The following COA1 variants were observed in gnomAD, a reference collection of about 807,000 sequenced individuals.
COA1 encodes the protein cytochrome c oxidase assembly factor 1 homolog.
Under a neutral mutation model 16.0 loss-of-function variants are expected in COA1, and 13 were observed. The ratio of observed to expected loss-of-function variants is 0.81; its 90% confidence interval spans 0.53 to 1.29. The LOEUF (loss-of-function observed/expected upper bound fraction) is 1.29. COA1 is among the 50% of genes most tolerant of loss of function. The pLI is 0.00. For missense variants in COA1, 179 were observed against 177.0 expected, an observed-to-expected ratio of 1.01 and a Z score of -0.06; for synonymous variants, 65 against 65.7, an observed-to-expected ratio of 0.99 and a Z score of 0.05.
chr7:43,671,429 A>G (rs1335229301), intron 1 of COA1, among the ~76,000 whole-genome samples: 1 of 152,200 alleles, frequency 6.6e-6, no homozygotes, highest in Non-Finnish European at 1.5e-5. Flanking sequence ...TCAATAATTA[A>G]AAGACAACCC....
chr7:43,649,162 ATAT>A (rs2090223440), intron 1 of COA1: 2 of 152,418 alleles, frequency 1.3e-5, no homozygotes, highest in African/African-American at 4.8e-5. Flanking sequence ...TAAGCACTTT[ATAT>A]AATTCATTTA....
In COA1 at chr7:43,639,423, CAA is replaced by C; in HGVS notation, c.*157_*158del. 2 of 545,074 alleles carry C rather than the reference CAA, an allele frequency of 3.7e-6. No individual in the cohort carries two copies. Among genetic ancestry groups the C allele is most frequent in the Non-Finnish European group, 6.7e-6 (2 of 300,554 alleles). The allele number at this position is 545,074 out of a possible 1,614,324, so 33.8% of individuals were successfully genotyped here. A position where few individuals can be genotyped will look rare whatever the true frequency, so the allele number is the denominator to read the frequency against. On this transcript the variant is annotated 3_prime_UTR_variant, in exon 6 of 6. Coordinates refer to ENST00000223336, the MANE Select transcript of COA1 (RefSeq NM_018224.4). ...TGTTGTGCCCAAGTTAGAATTACAC[CAA>C]AATTACCATGTGCTGGCACATACCA...
intron 6 of COA1, among the ~76,000 whole-genome samples, chr7:43,609,923 C>G (rs1023700412): frequency 1.3e-5 from 2 of 152,192 alleles, no homozygotes; most frequent in Non-Finnish European, 2.9e-5. Flanking sequence ...GTTCTCTGAC[C>G]CAGACATGAA....
intron 1 of COA1, among the ~76,000 whole-genome samples, chr7:43,673,063 T>G (rs2153203927): frequency 6.6e-6 from 1 of 152,178 alleles, no homozygotes; most frequent in Middle Eastern, 3.4e-3. Context: ...CTAAAAAAAC[T>G]CTGGAAGATA....
chr7:43,727,700 G>C (rs1268817439), intron 1 of COA1, among the ~76,000 whole-genome samples: 1 of 152,200 alleles, frequency 6.6e-6, no homozygotes. Flanking sequence ...GCTTAGAATG[G>C]GGAGTGGGGA....
chr7:43,691,407 G>A lies in COA1; in HGVS notation c.-39+38022C>T, dbSNP rs1204446544. On this transcript the variant is annotated intron_variant, in intron 1 of 5. Transcript: ENST00000223336. ...AGGAAGGAAGGAAGGAAGGAAGGAA[G>A]GAAGGAAGAAAGAAAAAGAAAGAAA... Among the ~76,000 whole-genome samples the A allele has an allele frequency of 5.2e-3, 544 of 104,730 alleles. 14 individuals are homozygous for A. Among genetic ancestry groups the A allele is most frequent in the Admixed American group, 0.013 (119 of 9,078 alleles). 68.7% of individuals were successfully genotyped at this position (104,730 alleles called of 152,430 possible).
chr7:43,637,951 C>CACCA (rs542840570), downstream of COA1, among the ~76,000 whole-genome samples: 118 of 152,260 alleles, frequency 7.7e-4, no homozygotes, highest in African/African-American at 2.7e-3. Flanking sequence ...AGATAGGAAG[C>CACCA]ACCACATAAA....
chr7:43,691,425 G>GAAAT (rs1554542698), intron 1 of COA1, among the ~76,000 whole-genome samples: 1 of 32,402 alleles, frequency 3.1e-5, no homozygotes, highest in Non-Finnish European at 6.2e-5. Flanking sequence ...GAAAGAAAAA[G>GAAAT]AAAGAAAGAA....
intron 6 of COA1, chr7:43,624,601 A>G: frequency 1.2e-6 from 2 of 1,614,120 alleles, no homozygotes; most frequent in Non-Finnish European, 1.7e-6. Context: ...AGGATGGAAA[A>G]GGCACTAGAA....
chr7:43,618,127 A>G (rs1294834842), intron 6 of COA1, among the ~76,000 whole-genome samples: 1 of 152,198 alleles, frequency 6.6e-6, no homozygotes, highest in Non-Finnish European at 1.5e-5. Flanking sequence ...TAGAGGACCA[A>G]TGTGATGGAG....
chr7:43,675,322 A>G (rs1180360331), intron 1 of COA1, among the ~76,000 whole-genome samples: 1 of 152,176 alleles, frequency 6.6e-6, no homozygotes, highest in Non-Finnish European at 1.5e-5. Flanking sequence ...TCAGCAAACT[A>G]TCCCAAGAAC....
In COA1 at chr7:43,621,615, G is replaced by A. The variant is rs970487044; in HGVS notation, c.*134-12120C>T. Among the ~76,000 whole-genome samples the A allele has an allele frequency of 3.9e-5, 6 of 152,056 alleles. 1 individual carries two copies. Among genetic ancestry groups the A allele is most frequent in the South Asian group, 4.2e-4 (2 of 4,798 alleles). On this transcript the variant is annotated intron_variant and NMD_transcript_variant, in intron 6 of 6. Coordinates refer to the COA1 transcript ENST00000415076. ...CCCGAGTAGCTGGGACCACAGGCAC[G>A]TGCCAGCACAGCGGGCCAGTTTTTT...
chr7:43,614,626 G>A (rs1341848141), intron 6 of COA1, among the ~76,000 whole-genome samples: 1 of 152,156 alleles, frequency 6.6e-6, no homozygotes, highest in African/African-American at 2.4e-5. Flanking sequence ...CAGTTAGTTG[G>A]TAAAGGCCAC....
chr7:43,692,892 C>G (rs569981109), intron 1 of COA1, among the ~76,000 whole-genome samples: 5 of 151,990 alleles, frequency 3.3e-5, no homozygotes, highest in Non-Finnish European at 5.9e-5. Context: ...TCTGAAGGTT[C>G]CTGCTTGGGA....
chr7:43,634,919 T>C (rs1215862832), downstream of COA1, among the ~76,000 whole-genome samples: 2 of 152,214 alleles, frequency 1.3e-5, no homozygotes, highest in African/African-American at 4.8e-5. Flanking sequence ...ATCGATGCTG[T>C]GTTATTCCTT....
chr7:43,659,518 A>C (rs1289467705), intron 1 of COA1, among the ~76,000 whole-genome samples: 1 of 152,218 alleles, frequency 6.6e-6, no homozygotes. Context: ...TCTGATTCAT[A>C]ACCATTTTGC....
At chr7:43,679,428 G>A (rs2093671942) in intron 1 of COA1, among the ~76,000 whole-genome samples, 1 of 151,940 alleles carries the variant, frequency 6.6e-6, no homozygotes, top group African/African-American at 2.4e-5. Context: ...TGTTTTAAAA[G>A]ATTCTCAGGG....
At chr7:43,689,540 G>A (rs2094182098) in intron 1 of COA1, among the ~76,000 whole-genome samples, 1 of 152,108 alleles carries the variant, frequency 6.6e-6, no homozygotes, top group Non-Finnish European at 1.5e-5. Context: ...TTCAAAAAAT[G>A]AAGGCAAAAT....
intron 6 of COA1, chr7:43,619,804 A>T (rs1320712210): frequency 2.7e-6 from 4 of 1,500,938 alleles, no homozygotes; most frequent in African/African-American, 2.8e-5. Context: ...CATGACTCAT[A>T]GTGGAGCCAG....
Sources: gnomAD v4.1 joint callset for allele counts (sites outside exome capture counted in the v4.1 genomes callset) on GRCh38, gnomAD v4.1.1 for gene constraint, MANE v1.5 for transcripts, NCBI Gene and HGNC (gene_info 2026-07-23, HGNC 2026-07-21) for gene names.